CBLB: variants seen among roughly 807,000 people sequenced by gnomAD.
CBLB encodes the protein E3 ubiquitin-protein ligase CBL-B.
Under a neutral mutation model 104.9 loss-of-function variants are expected in CBLB, and 31 were observed. The observed-to-expected ratio is 0.30, with a 90% confidence interval of 0.22 to 0.40. The LOEUF (loss-of-function observed/expected upper bound fraction) is 0.40, where lower values mean the gene tolerates loss of function less well. Among genes scored for constraint, CBLB ranks in the 10% least tolerant of loss-of-function variants. CBLB has a pLI of 1.00. For synonymous variants in CBLB, 440 were observed against 422.6 expected (o/e 1.04, Z -0.51); for missense variants, 1,062 against 1,214.6 (o/e 0.87, Z 1.87).
At chr3:105,853,290 T>C in intron 3 of CBLB, 124 bp downstream of exon 3, 1 of 923,160 alleles carries the variant, frequency 1.1e-6, no homozygotes, top group Non-Finnish European at 1.8e-6. Flanking sequence ...AAGTACCACA[T>C]GACTATATAC....
intron 3 of CBLB, among the ~76,000 whole-genome samples, chr3:105,790,641 C>G (rs943512951): frequency 6.6e-6 from 1 of 152,166 alleles, no homozygotes; most frequent in African/African-American, 2.4e-5. Flanking sequence ...ATTACATACA[C>G]TCTAACTGTA....
chr3:105,720,648 G>C (rs574604387), intron 9 of CBLB, among the ~76,000 whole-genome samples: 293 of 152,028 alleles, frequency 1.9e-3, no homozygotes, highest in Non-Finnish European at 3.5e-3. Context: ...AGTATATTTT[G>C]GTAAAAATTC....
rs537119247 is a variant in CBLB, at chr3:105,770,715, C to T, written c.566+5681G>A. 8.3e-4 allele frequency among the ~76,000 whole-genome samples: 127 copies of T among 152,204 alleles called. 1 individual carries two copies. Among genetic ancestry groups the T allele is most frequent in the African/African-American group, 3.0e-3 (125 of 41,516 alleles). The stretch of plus-strand genomic sequence containing the variant: ...GGGCATGGCTTTTTGAAAGCCATGG[C>T]AGCTTTCTATGTGGAGAAGCTTATG... On this transcript the variant is annotated intron_variant, in intron 4 of 18. Coordinates refer to ENST00000394030, the MANE Select transcript of CBLB (RefSeq NM_170662.5).
At chr3:105,830,703 G>A (rs1270063507) in intron 3 of CBLB, among the ~76,000 whole-genome samples, 1 of 152,130 alleles carries the variant, frequency 6.6e-6, no homozygotes, top group Non-Finnish European at 1.5e-5. Context: ...AAGAAAGTAA[G>A]ACACATGCCA....
At chr3:105,680,143 T>C (rs2066137977) in intron 16 of CBLB, among the ~76,000 whole-genome samples, 1 of 152,206 alleles carries the variant, frequency 6.6e-6, no homozygotes, top group Non-Finnish European at 1.5e-5. Flanking sequence ...AAGAGAAATG[T>C]AGACAAGTGG....
At chr3:105,742,884 C>T (rs74984353) in intron 6 of CBLB, among the ~76,000 whole-genome samples, 11,180 of 150,680 alleles carry the variant, frequency 0.074, 567 homozygotes, top group East Asian at 0.29. Context: ...ATTTTTAATT[C>T]ATGTCCTTCT....
chr3:105,740,686 A>G (rs1173347371), intron 6 of CBLB, 55 bp from the exon 7 acceptor site: 2 of 1,459,338 alleles, frequency 1.4e-6, no homozygotes, highest in Non-Finnish European at 1.9e-6. Context: ...AATCAATACT[A>G]AACAATTTGT....
chr3:105,818,873 G>A (rs563233270), intron 3 of CBLB, among the ~76,000 whole-genome samples: 1 of 150,200 alleles, frequency 6.7e-6, no homozygotes, highest in African/African-American at 2.4e-5. Context: ...AAAAATGAAA[G>A]TCTAGAGATT....
intron 12 of CBLB, among the ~76,000 whole-genome samples, chr3:105,698,562 T>A (rs9865632): frequency 1 from 146,760 of 147,270 alleles, 73,129 homozygotes; most frequent in East Asian, 1. Context: ...CTTTGCCGCT[T>A]ATGAAAACTA....
rs1203815533 is a variant in CBLB, at chr3:105,657,033, C to T, written c.*1937G>A. On this transcript the variant is annotated 3_prime_UTR_variant, in exon 19 of 19. Coordinates refer to ENST00000394030, the MANE Select transcript of CBLB (RefSeq NM_170662.5). ...GAACATCTAAGGCAAATGAAAAATT[C>T]CCCTCCAGGGACATAACCAGCTCAG... is the stretch of plus-strand genomic sequence containing the variant. The T allele has an allele frequency of 4.4e-6, 1 of 225,782 alleles. No homozygotes were observed. Among genetic ancestry groups the T allele is most frequent in the Non-Finnish European group, 8.8e-6 (1 of 113,366 alleles). 14.0% of individuals were successfully genotyped at this position (225,782 alleles called of 1,614,324 possible). A position where few individuals can be genotyped will look rare whatever the true frequency, so the allele number is the denominator to read the frequency against.
At chr3:105,675,489 A>G (rs118144629) in intron 17 of CBLB, among the ~76,000 whole-genome samples, 3 of 152,348 alleles carry the variant, frequency 2.0e-5, no homozygotes, top group East Asian at 1.9e-4. Flanking sequence ...TTTATGCTCT[A>G]TGATATGCAA....
chr3:105,817,359 G>A (rs1009618212), intron 3 of CBLB, among the ~76,000 whole-genome samples: 4 of 152,004 alleles, frequency 2.6e-5, no homozygotes, highest in Non-Finnish European at 5.9e-5. Context: ...TTAAGGGAGA[G>A]GAGATTCTAG....
At chr3:105,778,547 C>T (rs1277393181) in intron 3 of CBLB, among the ~76,000 whole-genome samples, 3 of 151,898 alleles carry the variant, frequency 2.0e-5, no homozygotes, top group African/African-American at 4.8e-5. Context: ...AATTCATCTT[C>T]CTTAAAAAAG....
Position 105,857,153 on chromosome 3 carries a change from T to C in CBLB, c.169-3489A>G, listed in dbSNP as rs530849474. Among the ~76,000 whole-genome samples, 6 of 152,322 alleles carry C rather than the reference T, an allele frequency of 3.9e-5. No homozygotes were observed. The South Asian group carries it at 1.2e-3, about 32-fold the overall frequency. On this transcript the variant is annotated intron_variant, in intron 2 of 18. Transcript: ENST00000394030. Reference sequence around the variant, plus strand: ...TTAACTGATACATACAAAATTTCTGTCAGGTATTTTTTTTCCAGACATTCC... The same window carrying C: ...TTAACTGATACATACAAAATTTCTGCCAGGTATTTTTTTTCCAGACATTCC...
intron 3 of CBLB, among the ~76,000 whole-genome samples, chr3:105,790,506 C>A (rs565726378): frequency 6.4e-4 from 97 of 152,182 alleles, no homozygotes; most frequent in African/African-American, 2.2e-3. Context: ...CTCAATGAAC[C>A]TTTTTTGAGG....
intron 18 of CBLB, among the ~76,000 whole-genome samples, chr3:105,660,487 T>G (rs1175601716): frequency 6.6e-6 from 1 of 151,986 alleles, no homozygotes; most frequent in Non-Finnish European, 1.5e-5. Context: ...CCACCGCACC[T>G]GGCCCATATA....
intron 18 of CBLB, among the ~76,000 whole-genome samples, chr3:105,668,427 G>T (rs62263055): frequency 6.6e-6 from 1 of 151,900 alleles, no homozygotes; most frequent in African/African-American, 2.4e-5. Flanking sequence ...CTAAAGTATA[G>T]GTTTCTTTTA....
chr3:105,763,659 C>T (rs2077910400), intron 4 of CBLB, among the ~76,000 whole-genome samples: 1 of 152,182 alleles, frequency 6.6e-6, no homozygotes, highest in Non-Finnish European at 1.5e-5. Context: ...TTATCAGCAG[C>T]ATGAGAACAG....
intron 14 of CBLB, among the ~76,000 whole-genome samples, chr3:105,684,690 T>C (rs2066781018): frequency 2.0e-5 from 3 of 152,038 alleles, no homozygotes; most frequent in Non-Finnish European, 4.4e-5. Context: ...GTAGCTGGGA[T>C]TACAGGCGCC....
Sources: gnomAD v4.1 joint callset for allele counts (sites outside exome capture counted in the v4.1 genomes callset) on GRCh38, gnomAD v4.1.1 for gene constraint, MANE v1.5 for transcripts, NCBI Gene and HGNC (gene_info 2026-07-23, HGNC 2026-07-21) for gene names.